The following PTPRN2 variants were observed in gnomAD, a reference collection of about 807,000 sequenced individuals.
The protein encoded by PTPRN2 is protein tyrosine phosphatase receptor type N2, also known as receptor-type tyrosine-protein phosphatase N2.
A neutral mutation model predicts 118.8 loss-of-function variants in PTPRN2; 74 were observed. The ratio of observed to expected loss-of-function variants is 0.62; its 90% CI spans 0.52 to 0.76. The LOEUF is 0.76. Ranked by LOEUF, PTPRN2 falls within the 30% of genes least tolerant of loss-of-function variation. The pLI, the probability that PTPRN2 is intolerant of heterozygous loss-of-function variation, is 0.00. For missense variants in PTPRN2, 1,481 were observed against 1,394.4 expected (o/e 1.06, Z -0.99); for synonymous variants, 641 against 608.0 (o/e 1.05, Z -0.80).
At position 157,940,878 on chromosome 7, in the gene PTPRN2, GCCCCCCCATGACACTGCAAATCTAACA is replaced by G. The variant is rs1302386116; in HGVS notation, c.1724-42168_1724-42142del. ...TCCCCCACAACACTGCAAATCTAACGCCCCCCCATGACACTGCAAATCTAACACCCCCCCGTGACACTGCAAATCTAA... is the reference window on the plus strand; with the variant it reads ...TCCCCCACAACACTGCAAATCTAACGCCCCCCCGTGACACTGCAAATCTAA... On this transcript the variant is annotated intron_variant, in intron 11 of 22. Coordinates refer to ENST00000389418, the MANE Select transcript of PTPRN2 (RefSeq NM_002847.5). Among the ~76,000 whole-genome samples, 25 of 4,204 alleles carry G rather than the reference GCCCCCCCATGACACTGCAAATCTAACA, an allele frequency of 5.9e-3. 4 individuals are homozygous for G. Among genetic ancestry groups the G allele is most frequent in the African/African-American group, 0.038 (18 of 470 alleles). The allele number at this position is 4,204 out of a possible 152,430, so 2.8% of individuals were successfully genotyped here. A position where few individuals can be genotyped will look rare whatever the true frequency, so the allele number is the denominator to read the frequency against.
At chr7:158,257,438 C>T (rs12698184) in intron 3 of PTPRN2, among the ~76,000 whole-genome samples, 18,058 of 152,140 alleles carry the variant, frequency 0.12, 1,233 homozygotes, top group African/African-American at 0.18. Context: ...GTGCGCTAAA[C>T]GTCTTTTTCT....
chr7:157,625,546 A>T (rs1803513257), intron 14 of PTPRN2, among the ~76,000 whole-genome samples: 1 of 152,220 alleles, frequency 6.6e-6, no homozygotes, highest in Non-Finnish European at 1.5e-5. Context: ...CAGAGGCATA[A>T]GAAAGATACA....
rs182824941 is a variant in PTPRN2, at chr7:158,477,619, G to A, written c.163+12116C>T. Among the ~76,000 whole-genome samples, 358 of 152,254 alleles carry A rather than the reference G, an allele frequency of 2.4e-3. 5 individuals carry two copies. The highest frequency in any genetic ancestry group is 8.2e-3 in the African/African-American group (340 of 41,546). ...TCCACTATTAAAATAATACCGAAGT[G>A]GGTCAAGAGAGGCAACCGAGAATTT... is the stretch of plus-strand genomic sequence containing the variant. On this transcript the variant is annotated intron_variant, in intron 2 of 22. Transcript: ENST00000389418.
intron 11 of PTPRN2, among the ~76,000 whole-genome samples, chr7:157,962,679 G>A (rs1449298612): frequency 1.3e-5 from 2 of 152,214 alleles, no homozygotes; most frequent in Non-Finnish European, 2.9e-5. Flanking sequence ...GAAGAGTCCG[G>A]TGGGAAGGGT....
At chr7:158,203,541 C>G (rs926939236) in intron 4 of PTPRN2, among the ~76,000 whole-genome samples, 1 of 152,120 alleles carries the variant, frequency 6.6e-6, no homozygotes, top group African/African-American at 2.4e-5. Context: ...GGATTGTTCT[C>G]TATGTGGCGC....
chr7:157,842,272 A>G (rs1274834191), intron 12 of PTPRN2, among the ~76,000 whole-genome samples: 1 of 152,014 alleles, frequency 6.6e-6, no homozygotes, highest in Non-Finnish European at 1.5e-5. Context: ...GCGCGCTCCA[A>G]TCAGCCGCCT....
chr7:158,086,738 T>C (rs576909370), intron 10 of PTPRN2, among the ~76,000 whole-genome samples: 1 of 152,366 alleles, frequency 6.6e-6, no homozygotes, highest in Admixed American at 6.5e-5. Context: ...ACCTGAACTT[T>C]ATGGCTCTGT....
chr7:157,615,388 G>T lies in PTPRN2; in HGVS notation c.2344+5974C>A, dbSNP rs536195506. ...ACCTTGGGCTCCCTAACCTCCTTCA[G>T]CCCCAGCTCTGTCCCTGTGTGAATC... On this transcript the variant is annotated intron_variant, in intron 15 of 22. Coordinates refer to ENST00000389418, the MANE Select transcript of PTPRN2 (RefSeq NM_002847.5). The surrounding 1 kb of genome is among the most constrained non-coding windows in gnomAD (Gnocchi z 4.3). 4.3e-6 allele frequency: 2 copies of T among 466,898 alleles called. No individual in the cohort carries two copies. The highest frequency in any genetic ancestry group is 4.0e-5 in the African/African-American group (2 of 50,162). 28.9% of individuals were successfully genotyped at this position (466,898 alleles called of 1,614,324 possible). A position where few individuals can be genotyped will look rare whatever the true frequency, so the allele number is the denominator to read the frequency against.
chr7:157,568,447 A>C (rs1799594728), intron 21 of PTPRN2, among the ~76,000 whole-genome samples: 1 of 152,226 alleles, frequency 6.6e-6, no homozygotes, highest in South Asian at 2.1e-4. Flanking sequence ...ACTAACGGAT[A>C]TTTTTAGTGT....
chr7:158,032,067 G>C (rs1475743735), intron 11 of PTPRN2, among the ~76,000 whole-genome samples: 2 of 152,218 alleles, frequency 1.3e-5, no homozygotes, highest in Admixed American at 6.5e-5. Context: ...AGCCATTCTG[G>C]GGGCTGCTCA....
At chr7:157,798,622 C>T (rs1805028409) in intron 12 of PTPRN2, among the ~76,000 whole-genome samples, 1 of 152,158 alleles carries the variant, frequency 6.6e-6, no homozygotes, top group South Asian at 2.1e-4. Context: ...TTTTCTTCTC[C>T]TAATCACAAA....
In PTPRN2 at chr7:158,167,047, G is replaced by T. The variant is rs1195187691; in HGVS notation, c.794C>A (p.Pro265Gln). 6.4e-7 allele frequency: 1 copy of T among 1,563,630 alleles called. No individual in the cohort carries two copies. The highest frequency in any genetic ancestry group is 8.7e-7 in the Non-Finnish European group (1 of 1,154,300). The change falls in exon 6 of 23, where the codon CCA becomes CAA. Residue 265 changes from proline to glutamine, a missense_variant. Pro to Gln is a moderately conservative substitution (Grantham distance 76). This residue lies in a region of PTPRN2 where 1,115 missense variants were observed against 994.2 expected (regional missense o/e 1.12). Transcript: ENST00000389418. ...PAPPGEGSLEPQYLLRAPSRM... is the reference protein window; with the variant it reads ...PAPPGEGSLEQQYLLRAPSRM... ...TGAGGGTGCACGCAGAAGGTACTGT[G>T]GCTCCAGGCTGCCCTCCCCGGGGGG...
intron 6 of PTPRN2, among the ~76,000 whole-genome samples, chr7:158,166,266 GCGTTCC>G (rs1563546361): frequency 4.4e-5 from 5 of 113,638 alleles, no homozygotes; most frequent in East Asian, 2.8e-4. Context: ...CCTGGCTGCC[GCGTTCC>G]CTGTCCTCAC....
chr7:158,220,881 C>CAA (rs201797228), intron 3 of PTPRN2, among the ~76,000 whole-genome samples: 39 of 126,784 alleles, frequency 3.1e-4, no homozygotes, highest in African/African-American at 8.3e-4. Context: ...CATATGGATC[C>CAA]AAAAAAAAAA....
At chr7:157,574,511 A>G (rs1189931148) in intron 19 of PTPRN2, 5 of 372,944 alleles carry the variant, frequency 1.3e-5, no homozygotes, top group Non-Finnish European at 3.1e-5. Flanking sequence ...AGAGAGTAAT[A>G]ATGAGAGAGA....
In PTPRN2 at chr7:157,944,217, C is replaced by T. The variant is rs116019232; in HGVS notation, c.1724-45480G>A. 1.4e-3 allele frequency among the ~76,000 whole-genome samples: 211 copies of T among 152,272 alleles called. 1 individual carries two copies. The highest frequency in any genetic ancestry group is 4.8e-3 in the African/African-American group (201 of 41,558). ...TCCTTGCCACAGAAAAGGATTCTAA[C>T]GGCATTTGACAAAGATTGAGCATGG... On this transcript the variant is annotated intron_variant, in intron 11 of 22. Coordinates refer to ENST00000389418, the MANE Select transcript of PTPRN2 (RefSeq NM_002847.5). This position sits in a 1 kb window ranked among gnomAD's most constrained non-coding sequence, Gnocchi z 4.3.
chr7:157,692,270 C>T (rs1225179075), intron 12 of PTPRN2, among the ~76,000 whole-genome samples: 2 of 152,124 alleles, frequency 1.3e-5, no homozygotes, highest in Admixed American at 6.5e-5. Context: ...CCGGCCCCTC[C>T]GGGGCCAACT....
chr7:157,890,540 G>A (rs1487814615), intron 12 of PTPRN2, among the ~76,000 whole-genome samples: 1 of 152,206 alleles, frequency 6.6e-6, no homozygotes, highest in Non-Finnish European at 1.5e-5. Context: ...TACTCGGGAG[G>A]CTGAGGCAGG....
At chr7:158,320,693 G>T (rs1802942385) in intron 2 of PTPRN2, among the ~76,000 whole-genome samples, 1 of 149,012 alleles carries the variant, frequency 6.7e-6, no homozygotes, top group Non-Finnish European at 1.5e-5. Context: ...TTTCAACAAT[G>T]ATATTCATCC....
Sources: gnomAD v4.1 joint callset for allele counts (sites outside exome capture counted in the v4.1 genomes callset) on GRCh38, gnomAD v4.1.1 for gene constraint, gnomAD v4.1.1 regional missense constraint, Gnocchi (gnomAD v3.1) non-coding constraint, MANE v1.5 for transcripts, NCBI Gene and HGNC (gene_info 2026-07-23, HGNC 2026-07-21) for gene names.